Variants in MAP7 observed in about 807,000 individuals in gnomAD.
MAP7 encodes microtubule associated protein 7.
In MAP7, 52 loss-of-function variants were observed where a neutral mutation model predicts 94.8. That is an observed-to-expected ratio of 0.55 (90% CI 0.44 to 0.69). The LOEUF is 0.69. Among genes scored for constraint, MAP7 ranks in the 30% least tolerant of loss-of-function variants. The pLI is 0.00. For synonymous variants in MAP7, 350 were observed against 357.0 expected (o/e 0.98, Z 0.22); for missense variants, 940 against 964.6 (o/e 0.97, Z 0.34).
At chr6:136,452,848 C>T (rs915764013) in intron 1 of MAP7, among the ~76,000 whole-genome samples, 7 of 152,060 alleles carry the variant, frequency 4.6e-5, no homozygotes, top group Non-Finnish European at 1.0e-4. Flanking sequence ...CCACCATGCC[C>T]GGCCACTATT....
At chr6:136,533,768 G>A (rs769373600) in intron 1 of MAP7, among the ~76,000 whole-genome samples, 2 of 152,098 alleles carry the variant, frequency 1.3e-5, no homozygotes, top group East Asian at 3.9e-4. Context: ...TCACATGAAC[G>A]AACAGAATGA....
chr6:136,346,602 T>C (rs1266799561), intron 16 of MAP7, among the ~76,000 whole-genome samples: 6 of 152,190 alleles, frequency 3.9e-5, no homozygotes, highest in Non-Finnish European at 8.8e-5. Flanking sequence ...CATTTTGTTA[T>C]GAAAATTATC....
rs753885884 is a variant in MAP7, at chr6:136,372,663, G to A, written c.752-38C>T. On this transcript the variant is annotated intron_variant, in intron 7 of 17. Transcript: ENST00000354570. ...AAATGGGGATAACTAGGGTGCAGGT[G>A]ATTGGTTTTACACACAAGAGTGCCA... 84 of 1,613,876 alleles carry A rather than the reference G, an allele frequency of 5.2e-5. 1 individual carries two copies. The South Asian group carries it at 9.2e-4, about 18-fold the overall frequency.
chr6:136,372,405 C>A lies in MAP7; in HGVS notation c.876+96G>T, dbSNP rs1434185460. On this transcript the variant is annotated intron_variant, in intron 8 of 17. Transcript: ENST00000354570. ...GGATGGTGGATGTCACGGTCTCCCC[C>A]TCTTACGCCCACACCACAGCTCAGG... 12 of 1,427,354 alleles carry A rather than the reference C, an allele frequency of 8.4e-6. No individual in the cohort carries two copies. The East Asian group carries it at 2.4e-4, about 28-fold the overall frequency. The allele number at this position is 1,427,354 out of a possible 1,614,324, so 88.4% of individuals were successfully genotyped here.
At position 136,379,483 on chromosome 6, in the gene MAP7, T is replaced by A. The variant is rs1400428864; in HGVS notation, c.638-1615A>T. On this transcript the variant is annotated intron_variant, in intron 6 of 17. Coordinates refer to ENST00000354570, the MANE Select transcript of MAP7 (RefSeq NM_003980.6). ...AAGCACCACGGGCTAAGTACTATCA[T>A]AAGCTATGTGCAGCAGTGTAACAAC... Among the ~76,000 whole-genome samples the A allele has an allele frequency of 2.6e-5, 4 of 152,330 alleles. No homozygotes were observed. The East Asian group carries it at 7.7e-4, about 29-fold the overall frequency.
At chr6:136,486,918 T>C (rs898771960) in intron 1 of MAP7, among the ~76,000 whole-genome samples, 1 of 152,238 alleles carries the variant, frequency 6.6e-6, no homozygotes, top group African/African-American at 2.4e-5. Context: ...GTAAACTTTA[T>C]TTATAAAAGG....
intron 1 of MAP7, among the ~76,000 whole-genome samples, chr6:136,533,983 A>AT (rs1437597631): frequency 1.3e-5 from 2 of 152,276 alleles, no homozygotes; most frequent in East Asian, 1.9e-4. Flanking sequence ...AAAGACATCC[A>AT]TTTTTTTACT....
intron 2 of MAP7, among the ~76,000 whole-genome samples, chr6:136,415,269 T>A (rs904356088): frequency 3.2e-4 from 48 of 152,294 alleles, no homozygotes; most frequent in African/African-American, 1.1e-3. Flanking sequence ...TTTTATTTAA[T>A]TATAAAAGTT....
chr6:136,348,851 A>G (rs1788376032), intron 16 of MAP7, among the ~76,000 whole-genome samples: 1 of 152,156 alleles, frequency 6.6e-6, no homozygotes, highest in Non-Finnish European at 1.5e-5. Context: ...AAAACTTCTT[A>G]TTTAAAAAAA....
intron 1 of MAP7, among the ~76,000 whole-genome samples, chr6:136,511,305 C>T (rs1823211627): frequency 6.6e-6 from 1 of 151,872 alleles, no homozygotes; most frequent in Non-Finnish European, 1.5e-5. Context: ...ACTGTGGTGT[C>T]ACAGAAGAAT....
At chr6:136,500,631 G>T (rs1023259555) in intron 1 of MAP7, among the ~76,000 whole-genome samples, 1 of 152,196 alleles carries the variant, frequency 6.6e-6, no homozygotes, top group African/African-American at 2.4e-5. Context: ...TGTTGTACTT[G>T]TGGTTACACT....
intron 8 of MAP7, 83 bp downstream of exon 8, chr6:136,372,418 A>G: frequency 4.6e-6 from 7 of 1,524,790 alleles, no homozygotes; most frequent in Non-Finnish European, 6.3e-6. Context: ...TTACGCCCAC[A>G]CCACAGCTCA....
intron 1 of MAP7, among the ~76,000 whole-genome samples, chr6:136,524,861 G>A (rs993122185): frequency 6.6e-6 from 1 of 152,168 alleles, no homozygotes; most frequent in Non-Finnish European, 1.5e-5. Flanking sequence ...AAGAAAATTT[G>A]ATACCTCAGT....
intron 7 of MAP7, among the ~76,000 whole-genome samples, chr6:136,375,011 A>G (rs548532871): frequency 5.8e-4 from 88 of 152,278 alleles, no homozygotes; most frequent in Non-Finnish European, 1.1e-3. Context: ...GTCTTTAAGA[A>G]AGTCTCCCAC....
rs1821191090 is a variant in MAP7 at position 136,505,333 on chromosome 6, C to CTGCAAGG, written c.67+45002_67+45008dup. On this transcript the variant is annotated intron_variant, in intron 1 of 17. Transcript: ENST00000354570. ...TATATAGTAAAATTACAGAAATTGG[C>CTGCAAGG]TGCAAGGGTACATATTCTCCCCCTC... Among the ~76,000 whole-genome samples the CTGCAAGG allele has an allele frequency of 3.2e-5, 4 of 124,260 alleles. No homozygotes were observed. In the South Asian group the frequency reaches 7.6e-4, roughly 24 times the overall value. 81.5% of individuals were successfully genotyped at this position (124,260 alleles called of 152,430 possible).
intron 1 of MAP7, among the ~76,000 whole-genome samples, chr6:136,539,030 C>T (rs1478102550): frequency 1.3e-5 from 2 of 152,084 alleles, no homozygotes; most frequent in African/African-American, 4.8e-5. Flanking sequence ...ATTCTGATGC[C>T]TTCACTATGG....
intron 1 of MAP7, among the ~76,000 whole-genome samples, chr6:136,453,103 A>G (rs1217765970): frequency 6.6e-6 from 1 of 152,194 alleles, no homozygotes; most frequent in East Asian, 1.9e-4. Context: ...ATATATGTTA[A>G]TAAACTTCTG....
intron 1 of MAP7, among the ~76,000 whole-genome samples, chr6:136,423,105 G>A (rs557337871): frequency 6.6e-6 from 1 of 152,324 alleles, no homozygotes; most frequent in East Asian, 1.9e-4. Flanking sequence ...CATAGAAGGT[G>A]TTTAACAAGT....
At chr6:136,421,058 T>C (rs1791192735) in intron 2 of MAP7, among the ~76,000 whole-genome samples, 1 of 152,216 alleles carries the variant, frequency 6.6e-6, no homozygotes, top group Admixed American at 6.5e-5. Flanking sequence ...ACGCAATGGT[T>C]ATTGGATAAC....
Sources: allele counts gnomAD v4.1 joint callset (sites outside exome capture counted in the v4.1 genomes callset), GRCh38; gene constraint gnomAD v4.1.1; transcripts MANE v1.5; gene names NCBI Gene and HGNC (gene_info 2026-07-23, HGNC 2026-07-21).